FRMD5: variants seen among roughly 807,000 people sequenced by gnomAD.
FRMD5 encodes the protein FERM domain-containing protein 5.
In FRMD5, 20 loss-of-function variants were observed where a neutral mutation model predicts 69.0. The observed-to-expected ratio is 0.29, with a 90% CI of 0.20 to 0.42. The LOEUF is 0.42. Among genes scored for constraint, FRMD5 ranks in the 10% least tolerant of loss-of-function variants. The pLI is 1.00. For synonymous variants in FRMD5, 271 were observed against 260.1 expected (o/e 1.04, Z -0.40); for missense variants, 595 against 708.6 (o/e 0.84, Z 1.82).
At chr15:44,010,282 T>C (rs1040413720) in intron 1 of FRMD5, among the ~76,000 whole-genome samples, 1 of 152,154 alleles carries the variant, frequency 6.6e-6, no homozygotes, top group African/African-American at 2.4e-5. Flanking sequence ...CAAGTGGTTA[T>C]GGAATACAGT....
chr15:43,972,063 T>C (rs1000111742), intron 1 of FRMD5, among the ~76,000 whole-genome samples: 38 of 144,440 alleles, frequency 2.6e-4, no homozygotes, highest in Admixed American at 8.9e-4. Context: ...TATATTTATA[T>C]ACTTATATAT....
rs551782186 is a variant in FRMD5, at chr15:43,905,809, C to G, written c.551+19G>C. ...GTGGAGAAGCCACAATGTTCTGGGC[C>G]TGATTAAGTGCCACGTACCTCAGTT... On this transcript the variant is annotated intron_variant, in intron 6 of 13. Coordinates refer to ENST00000417257, the MANE Select transcript of FRMD5 (RefSeq NM_032892.5). The G allele has an allele frequency of 6.2e-7, 1 of 1,613,536 alleles. No individual in the cohort carries two copies. Among genetic ancestry groups the G allele is most frequent in the South Asian group, 1.1e-5 (1 of 91,040 alleles).
chr15:44,173,734 G>A (rs1297041252), intron 1 of FRMD5, among the ~76,000 whole-genome samples: 1 of 151,972 alleles, frequency 6.6e-6, no homozygotes, highest in Non-Finnish European at 1.5e-5. Flanking sequence ...GGCTGGTCTC[G>A]AACTCCTGAG....
At chr15:44,026,104 A>C (rs565610882) in intron 1 of FRMD5, among the ~76,000 whole-genome samples, 1 of 152,106 alleles carries the variant, frequency 6.6e-6, no homozygotes, top group Non-Finnish European at 1.5e-5. Context: ...CAGCCTCCTG[A>C]GTAGCTGGGA....
intron 10 of FRMD5, 96 bp downstream of exon 10, chr15:43,888,079 C>T: frequency 1.1e-6 from 1 of 916,310 alleles, no homozygotes; most frequent in African/African-American, 1.7e-5. Flanking sequence ...CTTCCAGCTA[C>T]CCCGCCCCAA....
intron 1 of FRMD5, among the ~76,000 whole-genome samples, chr15:43,971,914 AT>A (rs1223791580): frequency 6.6e-6 from 1 of 150,682 alleles, no homozygotes; most frequent in Admixed American, 6.6e-5. Flanking sequence ...AAAACTTCAC[AT>A]TTAAATATAA....
intron 1 of FRMD5, among the ~76,000 whole-genome samples, chr15:44,143,043 G>A (rs2140450356): frequency 6.6e-6 from 1 of 151,996 alleles, no homozygotes. Flanking sequence ...ACTGAGCTGA[G>A]ACTGTGCCAC....
At chr15:44,054,658 T>C (rs536191682) in intron 1 of FRMD5, among the ~76,000 whole-genome samples, 1 of 152,296 alleles carries the variant, frequency 6.6e-6, no homozygotes, top group South Asian at 2.1e-4. Context: ...CTAATTAGAT[T>C]CTACCCATAT....
chr15:44,158,631 T>G (rs905209617), intron 1 of FRMD5, among the ~76,000 whole-genome samples: 1 of 152,162 alleles, frequency 6.6e-6, no homozygotes, highest in African/African-American at 2.4e-5. Context: ...TGCTGAGAAA[T>G]TACATACTCA....
At chr15:44,050,781 A>T (rs977199860) in intron 1 of FRMD5, among the ~76,000 whole-genome samples, 2 of 150,176 alleles carry the variant, frequency 1.3e-5, no homozygotes, top group East Asian at 4.0e-4. Context: ...CCTCCACCAC[A>T]CTGGTAGCTG....
At chr15:44,149,262 T>G (rs1034995626) in intron 1 of FRMD5, among the ~76,000 whole-genome samples, 1 of 150,602 alleles carries the variant, frequency 6.6e-6, no homozygotes, top group African/African-American at 2.4e-5. Context: ...AGAAAATACC[T>G]GTAGAAAACA....
intron 5 of FRMD5, among the ~76,000 whole-genome samples, chr15:43,908,581 T>G (rs2089224725): frequency 6.6e-6 from 1 of 152,180 alleles, no homozygotes; most frequent in Non-Finnish European, 1.5e-5. Flanking sequence ...TCAAATTCTT[T>G]TGGGGAAACT....
At chr15:43,959,809 A>G (rs540976118) in intron 1 of FRMD5, among the ~76,000 whole-genome samples, 10 of 152,296 alleles carry the variant, frequency 6.6e-5, no homozygotes, top group African/African-American at 2.2e-4. Context: ...CAATGAGTGA[A>G]TTTGGTCAAT....
intron 1 of FRMD5, among the ~76,000 whole-genome samples, chr15:44,003,198 A>C (rs1019263442): frequency 2.0e-5 from 3 of 152,090 alleles, no homozygotes; most frequent in African/African-American, 7.2e-5. Context: ...CTACCTTCAA[A>C]ATGTATTCAG....
Position 44,086,871 on chromosome 15 carries a change from T to C in FRMD5, c.102+108082A>G, listed in dbSNP as rs543110848. On this transcript the variant is annotated intron_variant, in intron 1 of 13. Transcript: ENST00000417257. ...TGGCTTTTATGAAACATTTGTATTA[T>C]AAAAGGGATACTGACCTTAAAATAA... is the stretch of plus-strand genomic sequence containing the variant. Among the ~76,000 whole-genome samples the C allele has an allele frequency of 1.6e-4, 24 of 152,282 alleles. 1 individual carries two copies. The highest frequency in any genetic ancestry group is 2.4e-4 in the Non-Finnish European group (16 of 68,026).
At chr15:44,064,203 G>T in intron 1 of FRMD5, 1 of 187,146 alleles carries the variant, frequency 5.3e-6, no homozygotes, top group South Asian at 1.0e-4. Context: ...TCACTGGCAT[G>T]ATCTTCCATG....
chr15:44,086,417 G>T (rs1042658239), intron 1 of FRMD5, among the ~76,000 whole-genome samples: 1 of 152,178 alleles, frequency 6.6e-6, no homozygotes, highest in East Asian at 1.9e-4. Flanking sequence ...ATACAACATG[G>T]ATGAACCTTG....
intron 12 of FRMD5, 68 bp downstream of exon 12, chr15:43,884,659 C>CA: frequency 6.8e-6 from 10 of 1,475,986 alleles, no homozygotes; most frequent in Non-Finnish European, 9.4e-6. Flanking sequence ...TCACAGTACT[C>CA]AAACTGCTGG....
chr15:43,890,039 G>A (rs1479893376), intron 8 of FRMD5, among the ~76,000 whole-genome samples: 7 of 152,292 alleles, frequency 4.6e-5, no homozygotes, highest in African/African-American at 1.7e-4. Context: ...GGCTGGGTCA[G>A]GATGAGATTT....
Sources: allele counts gnomAD v4.1 joint callset (sites outside exome capture counted in the v4.1 genomes callset), GRCh38; gene constraint gnomAD v4.1.1; transcripts MANE v1.5; gene names NCBI Gene and HGNC (gene_info 2026-07-23, HGNC 2026-07-21).